The following SH3GL2 variants were observed in gnomAD, a reference collection of about 807,000 sequenced individuals.
SH3GL2 encodes the protein SH3 domain containing GRB2 like 2, endophilin A1.
A neutral mutation model predicts 46.0 loss-of-function variants in SH3GL2; 24 were observed. That is an observed-to-expected ratio of 0.52 (90% CI 0.38 to 0.73). The LOEUF is 0.73. SH3GL2 is among the 30% of genes least tolerant of loss of function. The pLI, the probability that SH3GL2 is intolerant of heterozygous loss-of-function variation, is 0.00. For synonymous variants in SH3GL2, 196 were observed against 147.1 expected (o/e 1.33, Z -2.40); for missense variants, 413 against 424.2 (o/e 0.97, Z 0.23).
intron 1 of SH3GL2, among the ~76,000 whole-genome samples, chr9:17,638,201 T>G (rs1819590253): frequency 1.3e-5 from 2 of 152,042 alleles, no homozygotes; most frequent in African/African-American, 4.8e-5. Context: ...TTCATAGCAC[T>G]GATGTTTTGC....
intron 1 of SH3GL2, among the ~76,000 whole-genome samples, chr9:17,603,339 A>G (rs1818703650): frequency 6.6e-6 from 1 of 152,206 alleles, no homozygotes; most frequent in African/African-American, 2.4e-5. Flanking sequence ...ATGCTACACC[A>G]TGGATGAGCT....
Position 17,720,646 on chromosome 9 carries a change from A to T in SH3GL2, c.46-26420A>T, listed in dbSNP as rs527244874. 4.0e-5 allele frequency among the ~76,000 whole-genome samples: 6 copies of T among 150,684 alleles called. No homozygotes were observed. In the South Asian group the frequency reaches 1.2e-3, roughly 31 times the overall value. ...TACCTGCTAAGAAACCTTTAGGCTG[A>T]ACCTAAATTATATAAGGAGGCAGTT... On this transcript the variant is annotated intron_variant, in intron 1 of 8. Coordinates refer to ENST00000380607, the MANE Select transcript of SH3GL2 (RefSeq NM_003026.5).
At chr9:17,632,332 C>A (rs1203927420) in intron 1 of SH3GL2, among the ~76,000 whole-genome samples, 1 of 152,158 alleles carries the variant, frequency 6.6e-6, no homozygotes, top group Non-Finnish European at 1.5e-5. Flanking sequence ...TTTGCATTTT[C>A]TTTCCATCTT....
chr9:17,610,024 A>T (rs1049618918), intron 1 of SH3GL2, among the ~76,000 whole-genome samples: 1 of 152,200 alleles, frequency 6.6e-6, no homozygotes, highest in Non-Finnish European at 1.5e-5. Context: ...GTACCACCAA[A>T]TCCTATTTTT....
At chr9:17,625,906 G>A (rs187781573) in intron 1 of SH3GL2, among the ~76,000 whole-genome samples, 2 of 152,316 alleles carry the variant, frequency 1.3e-5, no homozygotes, top group East Asian at 3.9e-4. Flanking sequence ...TAAACCCCAT[G>A]CTTACCTCAA....
At chr9:17,640,302 C>CT (rs1428065153) in intron 1 of SH3GL2, among the ~76,000 whole-genome samples, 1 of 151,958 alleles carries the variant, frequency 6.6e-6, no homozygotes, top group Admixed American at 6.6e-5. Context: ...ATTTTATATT[C>CT]TTATTCTTTC....
At chr9:17,675,944 C>A (rs1172740719) in intron 1 of SH3GL2, among the ~76,000 whole-genome samples, 1 of 151,570 alleles carries the variant, frequency 6.6e-6, no homozygotes, top group Non-Finnish European at 1.5e-5. Context: ...GACTCCGTCT[C>A]AAAAAAATAA....
intron 1 of SH3GL2, among the ~76,000 whole-genome samples, chr9:17,672,580 G>T (rs1820500857): frequency 6.6e-6 from 1 of 152,044 alleles, no homozygotes; most frequent in Non-Finnish European, 1.5e-5. Context: ...AATCCTTCAG[G>T]AGGCAAATGA....
chr9:17,717,849 A>G (rs977842122), intron 1 of SH3GL2, among the ~76,000 whole-genome samples: 2 of 151,994 alleles, frequency 1.3e-5, no homozygotes, highest in Admixed American at 6.6e-5. Flanking sequence ...GCTGCTCCAT[A>G]CCCATTATTT....
Position 17,681,858 on chromosome 9 carries a change from G to GA in SH3GL2, c.46-65202dup, listed in dbSNP as rs1438179558. On this transcript the variant is annotated intron_variant, in intron 1 of 8. Transcript: ENST00000380607. The stretch of plus-strand genomic sequence containing the variant: ...ACAAGAAATTTAAACAAATTTACAA[G>GA]AAAAAACCCCATCAAAAAGTAGGCA... Among the ~76,000 whole-genome samples, 8 of 151,860 alleles carry GA rather than the reference G, an allele frequency of 5.3e-5. No homozygotes were observed. The East Asian group carries it at 5.8e-4, about 11-fold the overall frequency.
chr9:17,676,512 A>G (rs1820614472), intron 1 of SH3GL2, among the ~76,000 whole-genome samples: 2 of 152,200 alleles, frequency 1.3e-5, no homozygotes, highest in African/African-American at 2.4e-5. Context: ...AGGCTGAGGC[A>G]GGAGAATCAC....
chr9:17,682,842 A>T lies in SH3GL2; in HGVS notation c.46-64224A>T, dbSNP rs1588235467. ...CATAGTTTGCAAGTTAACATGATGT[A>T]TGTGTATTTGTGTATTTCAAACTCC... is the stretch of plus-strand genomic sequence containing the variant. On this transcript the variant is annotated intron_variant, in intron 1 of 8. Coordinates refer to ENST00000380607, the MANE Select transcript of SH3GL2 (RefSeq NM_003026.5). Among the ~76,000 whole-genome samples the T allele has an allele frequency of 2.6e-5, 4 of 152,240 alleles. No homozygotes were observed. The East Asian group carries it at 7.8e-4, about 30-fold the overall frequency.
chr9:17,586,191 T>C (rs1395441252), intron 1 of SH3GL2, among the ~76,000 whole-genome samples: 4 of 152,166 alleles, frequency 2.6e-5, no homozygotes, highest in Non-Finnish European at 4.4e-5. Flanking sequence ...ATGCCAAATA[T>C]GATGTTGTAG....
intron 5 of SH3GL2, 89 bp downstream of exon 5, chr9:17,787,602 A>G (rs1421741414): frequency 4.6e-6 from 5 of 1,078,634 alleles, no homozygotes; most frequent in East Asian, 2.4e-5. Context: ...TTTTTAGCTT[A>G]CCCTGTGTGT....
intron 1 of SH3GL2, among the ~76,000 whole-genome samples, chr9:17,702,568 ATTTC>A (rs1445461703): frequency 1.3e-5 from 2 of 152,082 alleles, no homozygotes; most frequent in Non-Finnish European, 2.9e-5. Flanking sequence ...TCATGACTGA[ATTTC>A]TTTATTTTGA....
At chr9:17,759,391 G>A (rs532979800) in intron 2 of SH3GL2, among the ~76,000 whole-genome samples, 1 of 152,328 alleles carries the variant, frequency 6.6e-6, no homozygotes, top group Admixed American at 6.5e-5. Flanking sequence ...CCATCTTAGG[G>A]AGGGAACAAA....
intron 1 of SH3GL2, among the ~76,000 whole-genome samples, chr9:17,716,943 T>G (rs1384291866): frequency 1.3e-5 from 2 of 152,146 alleles, no homozygotes; most frequent in East Asian, 3.9e-4. Context: ...GATTCATACA[T>G]ACATATGGTT....
chr9:17,680,160 G>T (rs1398184144), intron 1 of SH3GL2, among the ~76,000 whole-genome samples: 1 of 152,136 alleles, frequency 6.6e-6, no homozygotes, highest in African/African-American at 2.4e-5. Context: ...AGTTAGGGAG[G>T]ATTCCCTCTT....
chr9:17,673,318 A>ACT (rs543595797), intron 1 of SH3GL2, among the ~76,000 whole-genome samples: 1 of 141,060 alleles, frequency 7.1e-6, no homozygotes, highest in African/African-American at 2.6e-5. Context: ...CTAGTTTTTA[A>ACT]TTTTTTTTTT....
Sources: allele counts gnomAD v4.1 joint callset (sites outside exome capture counted in the v4.1 genomes callset), GRCh38; gene constraint gnomAD v4.1.1; transcripts MANE v1.5; gene names NCBI Gene and HGNC (gene_info 2026-07-23, HGNC 2026-07-21).